NAALADL2: variants seen among roughly 807,000 people sequenced by gnomAD.
NAALADL2 encodes N-acetylated alpha-linked acidic dipeptidase like 2.
Under a neutral mutation model 87.2 loss-of-function variants are expected in NAALADL2, and 76 were observed. The ratio of observed to expected loss-of-function variants is 0.87; its 90% CI spans 0.72 to 1.05. NAALADL2 has a LOEUF of 1.05. Among genes scored for constraint, NAALADL2 ranks in the 50% least tolerant of loss-of-function variants. The probability of loss-of-function intolerance (pLI) is 0.00; values close to 1 mark genes in which losing one functional copy is unlikely to be tolerated. For missense variants in NAALADL2, 1,089 were observed against 945.8 expected (o/e 1.15, Z -1.99); for synonymous variants, 354 against 331.0 (o/e 1.07, Z -0.75).
chr3:175,001,571 C>T (rs1428369450), intron 1 of NAALADL2, among the ~76,000 whole-genome samples: 2 of 152,072 alleles, frequency 1.3e-5, no homozygotes, highest in African/African-American at 4.8e-5. Flanking sequence ...TTTGGGAGTC[C>T]AGATAACTCT....
chr3:175,243,263 T>C (rs1467570313), intron 3 of NAALADL2, among the ~76,000 whole-genome samples: 2 of 150,446 alleles, frequency 1.3e-5, no homozygotes, highest in Non-Finnish European at 3.0e-5. Context: ...AACTGTTTTC[T>C]GTTTTCAGCT....
intron 12 of NAALADL2, among the ~76,000 whole-genome samples, chr3:175,741,637 T>C (rs1408029260): frequency 6.6e-6 from 1 of 152,096 alleles, no homozygotes; most frequent in African/African-American, 2.4e-5. Flanking sequence ...TATAACTTTT[T>C]TGGGGCAGAA....
chr3:175,178,504 A>G (rs909199643), intron 2 of NAALADL2, among the ~76,000 whole-genome samples: 3 of 152,044 alleles, frequency 2.0e-5, no homozygotes, highest in African/African-American at 7.2e-5. Flanking sequence ...TGAGTTTATT[A>G]CAGATAGAGT....
At chr3:175,289,177 G>C (rs1755342983) in intron 4 of NAALADL2, among the ~76,000 whole-genome samples, 3 of 151,998 alleles carry the variant, frequency 2.0e-5, no homozygotes, top group Non-Finnish European at 4.4e-5. Flanking sequence ...TTCTTCGTAA[G>C]TATCAATTAC....
At chr3:175,696,930 T>C (rs1314280514) in intron 11 of NAALADL2, among the ~76,000 whole-genome samples, 3 of 152,064 alleles carry the variant, frequency 2.0e-5, no homozygotes, top group African/African-American at 7.2e-5. Flanking sequence ...ACTAACCCAC[T>C]TCTGCAATAA....
chr3:175,536,224 A>C (rs1309338992), intron 9 of NAALADL2, among the ~76,000 whole-genome samples: 1 of 152,198 alleles, frequency 6.6e-6, no homozygotes, highest in Non-Finnish European at 1.5e-5. Flanking sequence ...GTTATCAATA[A>C]ATACTACTTT....
intron 2 of NAALADL2, among the ~76,000 whole-genome samples, chr3:174,698,244 C>T (rs1263562226): frequency 1.4e-5 from 2 of 139,144 alleles, no homozygotes; most frequent in African/African-American, 6.0e-5. Context: ...TAATCTGTTT[C>T]CATATTTTTT....
chr3:175,130,896 T>C (rs566494535), intron 2 of NAALADL2, among the ~76,000 whole-genome samples: 14 of 152,220 alleles, frequency 9.2e-5, no homozygotes, highest in Non-Finnish European at 1.8e-4. Context: ...CACTGTCTTT[T>C]ATGGTTCCAT....
intron 10 of NAALADL2, among the ~76,000 whole-genome samples, chr3:175,584,498 G>A (rs1720262956): frequency 6.6e-6 from 1 of 152,166 alleles, no homozygotes; most frequent in Non-Finnish European, 1.5e-5. Flanking sequence ...TGTTTCTCAA[G>A]GTTTTCTAGA....
At chr3:175,367,599 G>C (rs1765807399) in intron 5 of NAALADL2, among the ~76,000 whole-genome samples, 1 of 152,112 alleles carries the variant, frequency 6.6e-6, no homozygotes, top group South Asian at 2.1e-4. Flanking sequence ...GGATTCCTAA[G>C]TATTTTATTC....
At chr3:175,351,046 A>G (rs1763701226) in intron 5 of NAALADL2, among the ~76,000 whole-genome samples, 1 of 152,166 alleles carries the variant, frequency 6.6e-6, no homozygotes, top group African/African-American at 2.4e-5. Context: ...TCAATTGCAT[A>G]TACTTTGGAG....
chr3:175,432,752 C>T (rs1033043991), intron 5 of NAALADL2, among the ~76,000 whole-genome samples: 1 of 152,014 alleles, frequency 6.6e-6, no homozygotes, highest in Non-Finnish European at 1.5e-5. Context: ...AGGGCTCTAG[C>T]CACTACTTTA....
In NAALADL2 at chr3:174,882,803, G is replaced by A. The variant is rs544260545; in HGVS notation, c.43+23353G>A. Among the ~76,000 whole-genome samples, 772 of 102,792 alleles carry A rather than the reference G, an allele frequency of 7.5e-3. 8 individuals are homozygous for A. The highest frequency in any genetic ancestry group is 0.039 in the African/African-American group (736 of 18,744). 67.4% of individuals were successfully genotyped at this position (102,792 alleles called of 152,430 possible). A position where few individuals can be genotyped will look rare whatever the true frequency, so the allele number is the denominator to read the frequency against. ...TACATATGTGTATATATACACGTGT[G>A]TATATGTGCATATGTGTATATATAC... On this transcript the variant is annotated intron_variant, in intron 1 of 13. Coordinates refer to ENST00000454872, the MANE Select transcript of NAALADL2 (RefSeq NM_207015.3).
At chr3:174,853,043 T>C (rs1725430390) in intron 3 of NAALADL2, among the ~76,000 whole-genome samples, 3 of 151,718 alleles carry the variant, frequency 2.0e-5, no homozygotes, top group Admixed American at 6.6e-5. Context: ...TCTCTCATCA[T>C]GTTCAAAAAT....
Position 175,013,067 on chromosome 3 carries a change from ATATAAATATGTAATACATAT to A in NAALADL2, c.44-83721_44-83702del, listed in dbSNP as rs1249799329. ...TATATACATAAATATATACACATAT[ATATAAATATGTAATACATAT>A]TTATATATAAATATACATATTTATA... is the stretch of plus-strand genomic sequence containing the variant. On this transcript the variant is annotated intron_variant, in intron 1 of 13. Transcript: ENST00000454872. Among the ~76,000 whole-genome samples the A allele has an allele frequency of 5.6e-4, 66 of 118,476 alleles. 8 individuals carry two copies. The highest frequency in any genetic ancestry group is 1.5e-3 in the African/African-American group (44 of 29,880). The allele number at this position is 118,476 out of a possible 152,430, so 77.7% of individuals were successfully genotyped here.
At chr3:174,508,650 G>T (rs551514275) in intron 1 of NAALADL2, among the ~76,000 whole-genome samples, 1 of 152,128 alleles carries the variant, frequency 6.6e-6, no homozygotes. Flanking sequence ...TTTTTAACTT[G>T]TGTCAGCAAA....
chr3:175,243,531 C>CTTTTTTT lies in NAALADL2; in HGVS notation c.819+9348_819+9354dup, dbSNP rs3066298. On this transcript the variant is annotated intron_variant, in intron 3 of 13. Transcript: ENST00000454872. Reference sequence around the variant, plus strand: ...AATTTGCAAATGCTACACATCAGGACTTTTTTTTTTTTTTTTTTTTTTTTT... The same window carrying CTTTTTTT: ...AATTTGCAAATGCTACACATCAGGACTTTTTTTTTTTTTTTTTTTTTTTTTTTTTTTT... Among the ~76,000 whole-genome samples, 58 of 85,588 alleles carry CTTTTTTT rather than the reference C, an allele frequency of 6.8e-4. 3 individuals carry two copies. The highest frequency in any genetic ancestry group is 2.5e-3 in the African/African-American group (56 of 22,700). 56.1% of individuals were successfully genotyped at this position (85,588 alleles called of 152,430 possible). A position where few individuals can be genotyped will look rare whatever the true frequency, so the allele number is the denominator to read the frequency against.
intron 1 of NAALADL2, among the ~76,000 whole-genome samples, chr3:174,545,883 A>C (rs1722685556): frequency 6.6e-6 from 1 of 150,376 alleles, no homozygotes; most frequent in African/African-American, 2.4e-5. Flanking sequence ...GATTATTCCT[A>C]TTGTATGGTA....
At chr3:175,080,485 A>G (rs1717585212) in intron 1 of NAALADL2, among the ~76,000 whole-genome samples, 4 of 152,338 alleles carry the variant, frequency 2.6e-5, no homozygotes, top group African/African-American at 7.2e-5. Flanking sequence ...GTCTTTATGA[A>G]TTATCTACTC....
Sources: allele counts gnomAD v4.1 joint callset (sites outside exome capture counted in the v4.1 genomes callset), GRCh38; gene constraint gnomAD v4.1.1; transcripts MANE v1.5; gene names NCBI Gene and HGNC (gene_info 2026-07-23, HGNC 2026-07-21).